The following BCAS3 variants were observed in gnomAD, a reference collection of about 807,000 sequenced individuals.
The protein encoded by BCAS3 is BCAS3 microtubule associated cell migration factor, also known as BCAS4/BCAS3 fusion.
In BCAS3, 53 loss-of-function variants were observed where a neutral mutation model predicts 116.1. That is an observed-to-expected ratio of 0.46 (90% CI 0.37 to 0.57). The LOEUF is 0.57. Ranked by LOEUF, BCAS3 falls within the 20% of genes least tolerant of loss-of-function variation. BCAS3 has a pLI of 0.00. For missense variants in BCAS3, 917 were observed against 1,165.4 expected, an observed-to-expected ratio of 0.79 and a Z score of 3.10; for synonymous variants, 391 against 408.2, an observed-to-expected ratio of 0.96 and a Z score of 0.51.
rs1194905694 is a variant in BCAS3 at position 61,136,719 on chromosome 17, G to A, written c.2425+52155G>A. 3.9e-5 allele frequency among the ~76,000 whole-genome samples: 6 copies of A among 152,066 alleles called. No individual in the cohort carries two copies. Among genetic ancestry groups the A allele is most frequent in the African/African-American group, 1.4e-4 (6 of 41,402 alleles). On this transcript the variant is annotated intron_variant, in intron 22 of 23. Coordinates refer to ENST00000407086, the MANE Select transcript of BCAS3 (RefSeq NM_017679.5). The surrounding 1 kb of genome is among the most constrained non-coding windows in gnomAD (Gnocchi z 4.4). ...GGATTACAGGTGTGTGCCACCACAC[G>A]CAGCTAATTTTGCATTTTTAGTAGA...
At chr17:60,881,505 A>G (rs2056146367) in intron 9 of BCAS3, among the ~76,000 whole-genome samples, 1 of 151,324 alleles carries the variant, frequency 6.6e-6, no homozygotes, top group African/African-American at 2.4e-5. Context: ...TTAGTTACAT[A>G]TGTATACATG....
intron 6 of BCAS3, among the ~76,000 whole-genome samples, chr17:60,771,747 C>G (rs1598605435): frequency 6.6e-6 from 1 of 152,146 alleles, no homozygotes; most frequent in Non-Finnish European, 1.5e-5. Flanking sequence ...GTCCCCCACC[C>G]TGTGTCCAAG....
chr17:61,062,429 G>A (rs2070155239), intron 19 of BCAS3, among the ~76,000 whole-genome samples: 2 of 152,122 alleles, frequency 1.3e-5, no homozygotes, highest in South Asian at 2.1e-4. Flanking sequence ...CAAGCTATAA[G>A]CAAGGTACTT....
At chr17:60,753,966 A>G (rs1196050446) in intron 6 of BCAS3, among the ~76,000 whole-genome samples, 4 of 152,212 alleles carry the variant, frequency 2.6e-5, no homozygotes, top group East Asian at 3.8e-4. Flanking sequence ...TTTGTAGACA[A>G]TAATCTAGAA....
rs538508139 is a variant in BCAS3, at chr17:60,829,493, C to CAAA, written c.476+21430_476+21432dup. ...TGGACAATAGAGCAAGACTGTGTCT[C>CAAA]AAAAAAAAAAAAAAAGTAGAGAAGG... On this transcript the variant is annotated intron_variant, in intron 7 of 23. Coordinates refer to ENST00000407086, the MANE Select transcript of BCAS3 (RefSeq NM_017679.5). Among the ~76,000 whole-genome samples, 131 of 124,566 alleles carry CAAA rather than the reference C, an allele frequency of 1.1e-3. 1 individual carries two copies. Among genetic ancestry groups the CAAA allele is most frequent in the African/African-American group, 3.0e-3 (114 of 37,426 alleles). 81.7% of individuals were successfully genotyped at this position (124,566 alleles called of 152,430 possible). A position where few individuals can be genotyped will look rare whatever the true frequency, so the allele number is the denominator to read the frequency against.
chr17:60,688,846 G>A (rs1366091096), intron 3 of BCAS3: 1 of 151,618 alleles, frequency 6.6e-6, no homozygotes, highest in Non-Finnish European at 1.5e-5. Flanking sequence ...AAAAAAACAT[G>A]CTTTATGGAG....
chr17:61,195,724 G>T (rs779859934), intron 22 of BCAS3, among the ~76,000 whole-genome samples: 1 of 150,654 alleles, frequency 6.6e-6, no homozygotes, highest in Non-Finnish European at 1.5e-5. Context: ...TCTCAGGCTG[G>T]ACTCAGACTC....
rs1453388514 is a variant in BCAS3, at chr17:60,961,839, A to ATCTC, written c.1221+14488_1221+14491dup. Among the ~76,000 whole-genome samples the ATCTC allele has an allele frequency of 6.6e-6, 1 of 151,862 alleles. No individual in the cohort carries two copies. Among genetic ancestry groups the ATCTC allele is most frequent in the Non-Finnish European group, 1.5e-5 (1 of 67,976 alleles). On this transcript the variant is annotated intron_variant, in intron 14 of 23. Transcript: ENST00000407086. The surrounding 1 kb of genome is among the most constrained non-coding windows in gnomAD (Gnocchi z 4.8). ...TTGTAACGAGGCTTGAGGAAGGCACATCTCACACAGCAGTGTGAAAACCCA... is the reference window on the plus strand; with the variant it reads ...TTGTAACGAGGCTTGAGGAAGGCACATCTCTCTCACACAGCAGTGTGAAAACCCA...
intron 22 of BCAS3, among the ~76,000 whole-genome samples, chr17:61,202,531 T>C (rs572991988): frequency 7.9e-5 from 12 of 152,176 alleles, no homozygotes; most frequent in Admixed American, 2.0e-4. Context: ...TTTTTAATGG[T>C]CGAGTTTACT....
rs2072241111 is a variant in BCAS3, at chr17:61,078,537, A to G, written c.2327+8A>G. On this transcript the variant is annotated splice_region_variant and intron_variant, in intron 21 of 23. Transcript: ENST00000407086. ...TGATCTCAACAGTCTCAGGTAGGAA[A>G]TGAGAATTAGGGAGTGATTTGAACA... The G allele has an allele frequency of 6.2e-7, 1 of 1,606,922 alleles. No individual in the cohort carries two copies. The highest frequency in any genetic ancestry group is 1.1e-5 in the South Asian group (1 of 90,490).
At chr17:61,351,606 G>A (rs1193368821) in intron 22 of BCAS3, among the ~76,000 whole-genome samples, 29 of 152,202 alleles carry the variant, frequency 1.9e-4, no homozygotes, top group Admixed American at 1.9e-3. Flanking sequence ...CACGTCGTTA[G>A]GACATACTAG....
At position 61,097,091 on chromosome 17, in the gene BCAS3, C is replaced by A. The variant is rs2074023922; in HGVS notation, c.2425+12527C>A. Reference sequence around the variant, plus strand: ...GAGATATTAATAAACACAAAGAAAACCATACGTAGACATATTATAATCAAA... The same window carrying A: ...GAGATATTAATAAACACAAAGAAAAACATACGTAGACATATTATAATCAAA... On this transcript the variant is annotated intron_variant, in intron 22 of 23. Coordinates refer to ENST00000407086, the MANE Select transcript of BCAS3 (RefSeq NM_017679.5). This position sits in a 1 kb window ranked among gnomAD's most constrained non-coding sequence, Gnocchi z 4.0. 6.6e-6 allele frequency among the ~76,000 whole-genome samples: 1 copy of A among 152,124 alleles called. No individual in the cohort carries two copies. The highest frequency in any genetic ancestry group is 2.4e-5 in the African/African-American group (1 of 41,426).
intron 7 of BCAS3, chr17:60,811,229 GC>G: frequency 1.2e-6 from 1 of 845,658 alleles, no homozygotes; most frequent in Non-Finnish European, 1.9e-6. Flanking sequence ...CACAGACCCT[GC>G]AGAGGGACAG....
At chr17:61,375,142 C>G (rs554137232) in intron 23 of BCAS3, among the ~76,000 whole-genome samples, 2 of 151,852 alleles carry the variant, frequency 1.3e-5, no homozygotes, top group East Asian at 3.9e-4. Flanking sequence ...TAAGTGATCA[C>G]GGGATGGTTT....
At chr17:61,275,470 AGTGTTT>A (rs2050688263) in intron 22 of BCAS3, among the ~76,000 whole-genome samples, 2 of 151,984 alleles carry the variant, frequency 1.3e-5, no homozygotes, top group South Asian at 4.2e-4. Context: ...AAGAAAGCTC[AGTGTTT>A]AGCGGCAGAG....
chr17:61,043,175 G>A (rs533847516), intron 19 of BCAS3, among the ~76,000 whole-genome samples: 1 of 151,726 alleles, frequency 6.6e-6, no homozygotes, highest in Non-Finnish European at 1.5e-5. Context: ...GACCAGCCTC[G>A]GCAACATAGT....
chr17:60,914,631 TTC>T (rs1354964323), intron 12 of BCAS3, among the ~76,000 whole-genome samples: 1 of 152,184 alleles, frequency 6.6e-6, no homozygotes, highest in African/African-American at 2.4e-5. Flanking sequence ...TATGTGGATT[TTC>T]TCTGTCACTA....
chr17:61,147,210 G>A (rs1249913056), intron 22 of BCAS3, among the ~76,000 whole-genome samples: 1 of 152,036 alleles, frequency 6.6e-6, no homozygotes, highest in Non-Finnish European at 1.5e-5. Context: ...GAGGACCTGG[G>A]ACTACAGGTA....
chr17:61,072,959 A>C (rs1291991147), intron 19 of BCAS3, among the ~76,000 whole-genome samples: 2 of 152,074 alleles, frequency 1.3e-5, no homozygotes, highest in East Asian at 3.9e-4. Context: ...CATATTTTCC[A>C]TATTCACATT....
Sources: gnomAD v4.1 joint callset for allele counts (sites outside exome capture counted in the v4.1 genomes callset) on GRCh38, gnomAD v4.1.1 for gene constraint, Gnocchi (gnomAD v3.1) non-coding constraint, MANE v1.5 for transcripts, NCBI Gene and HGNC (gene_info 2026-07-23, HGNC 2026-07-21) for gene names.